ZFPM2: variants seen among roughly 807,000 people sequenced by gnomAD.
The protein encoded by ZFPM2 is zinc finger protein, FOG family member 2.
A neutral mutation model predicts 98.6 loss-of-function variants in ZFPM2; 20 were observed. That is an observed-to-expected ratio of 0.20 (90% CI 0.14 to 0.29). The LOEUF is 0.29. Ranked by LOEUF, ZFPM2 falls within the 10% of genes least tolerant of loss-of-function variation. ZFPM2 has a pLI of 1.00. For missense variants in ZFPM2, 1,310 were observed against 1,388.6 expected (o/e 0.94, Z 0.90); for synonymous variants, 518 against 502.7 (o/e 1.03, Z -0.41).
At chr8:105,559,549 A>G (rs1162085576) in intron 3 of ZFPM2, among the ~76,000 whole-genome samples, 1 of 152,208 alleles carries the variant, frequency 6.6e-6, no homozygotes, top group Non-Finnish European at 1.5e-5. Context: ...TGAAATTGTT[A>G]TGAACATTGC....
At chr8:105,410,960 G>A (rs1454744230) in intron 1 of ZFPM2, among the ~76,000 whole-genome samples, 1 of 151,808 alleles carries the variant, frequency 6.6e-6, no homozygotes, top group African/African-American at 2.4e-5. Flanking sequence ...TCTTCAAGAT[G>A]ACTTCTAGCA....
intron 3 of ZFPM2, among the ~76,000 whole-genome samples, chr8:105,484,968 AC>A (rs1813199837): frequency 6.6e-6 from 1 of 152,116 alleles, no homozygotes; most frequent in Non-Finnish European, 1.5e-5. Context: ...CTACAGCCAA[AC>A]CCTGATAAAG....
rs764622920 is a variant in ZFPM2 at position 105,801,813 on chromosome 8, G to A, written c.1731G>A (p.Gln577=). Residue 577 remains glutamine, a synonymous_variant, in exon 8 of 8, where the codon CAG becomes CAA. Transcript: ENST00000407775. ...KKHYCSSRWQ[Q]MAKSPEFPSV... ...ATTATTGCAGCAGCCGATGGCAGCA[G>A]ATGGCTAAGTCCCCAGAGTTCCCTA... 1.9e-5 allele frequency: 31 copies of A among 1,613,844 alleles called. No homozygotes were observed. The highest frequency in any genetic ancestry group is 5.3e-5 in the African/African-American group (4 of 74,916).
rs1487674675 is a variant in ZFPM2 at position 105,801,057 on chromosome 8, G to T, written c.975G>T (p.Met325Ile). The T allele has an allele frequency of 2.5e-6, 4 of 1,611,950 alleles. No individual in the cohort carries two copies. The highest frequency in any genetic ancestry group is 3.4e-6 in the Non-Finnish European group (4 of 1,178,506). Residue 325 changes from methionine (M) to isoleucine (I), a missense_variant, in exon 8 of 8, where the codon ATG (methionine) becomes ATT (isoleucine). By Grantham distance (10) the Met-to-Ile change is conservative. Coordinates refer to ENST00000407775, the MANE Select transcript of ZFPM2 (RefSeq NM_012082.4). ...MHLNSHSGVK[M>I]EEFLPPGASL... ...TGTATGTCTCTCTAGGAGTGAAAAT[G>T]GAAGAATTCCTGCCCCCTGGTGCTA...
intron 3 of ZFPM2, among the ~76,000 whole-genome samples, chr8:105,464,537 G>C (rs1269345904): frequency 6.6e-6 from 1 of 151,986 alleles, no homozygotes; most frequent in Admixed American, 6.6e-5. Context: ...CATCAGTCAG[G>C]ATGTGGGAGA....
chr8:105,411,430 G>A (rs1811575585), intron 1 of ZFPM2, among the ~76,000 whole-genome samples: 1 of 151,744 alleles, frequency 6.6e-6, no homozygotes, highest in African/African-American at 2.4e-5. Context: ...TTATCTCAGT[G>A]CTTGTCACAG....
At chr8:105,793,870 G>A (rs557431000) in intron 6 of ZFPM2, among the ~76,000 whole-genome samples, 49 of 151,052 alleles carry the variant, frequency 3.2e-4, no homozygotes, top group Middle Eastern at 6.8e-3. Context: ...TGATCACATC[G>A]GCTCCTGAGG....
In ZFPM2 at chr8:105,801,309, G is replaced by T. The variant is rs201439692; in HGVS notation, c.1227G>T (p.Gln409His). The change falls in exon 8 of 8, where the codon CAG becomes CAT. Residue 409 changes from glutamine (Q) to histidine (H), a missense_variant. By Grantham distance (24) the Gln-to-His change is conservative. Coordinates refer to ENST00000407775, the MANE Select transcript of ZFPM2 (RefSeq NM_012082.4). ...CAAGTGCAACTGAAGACAGCTTACAGCCAGCCACAGACTTATTGACCAGAA... is the reference window on the plus strand; with the variant it reads ...CAAGTGCAACTGAAGACAGCTTACATCCAGCCACAGACTTATTGACCAGAA... ...HSPSATEDSL[Q>H]PATDLLTRSE... The T allele has an allele frequency of 1.7e-4, 276 of 1,613,910 alleles. No individual in the cohort carries two copies. The African/African-American group carries it at 3.4e-3, about 20-fold the overall frequency.
At chr8:105,466,183 T>A (rs1482967310) in intron 3 of ZFPM2, among the ~76,000 whole-genome samples, 1 of 152,000 alleles carries the variant, frequency 6.6e-6, no homozygotes, top group African/African-American at 2.4e-5. Context: ...GCCAAACTAA[T>A]TTTTATTTTT....
At chr8:105,500,817 C>T (rs973442811) in intron 3 of ZFPM2, among the ~76,000 whole-genome samples, 1 of 151,880 alleles carries the variant, frequency 6.6e-6, no homozygotes, top group African/African-American at 2.4e-5. Flanking sequence ...CCTTGAAATT[C>T]CAATTTAAAG....
chr8:105,452,322 G>A (rs1261131956), intron 3 of ZFPM2, among the ~76,000 whole-genome samples: 1 of 152,138 alleles, frequency 6.6e-6, no homozygotes, highest in Admixed American at 6.6e-5. Context: ...GTTTTACTGT[G>A]TTCTTTCTCG....
chr8:105,715,073 C>T (rs1811487190), intron 5 of ZFPM2, among the ~76,000 whole-genome samples: 1 of 151,954 alleles, frequency 6.6e-6, no homozygotes, highest in Non-Finnish European at 1.5e-5. Flanking sequence ...ATACTTGTTT[C>T]TCAGTTGCAA....
chr8:105,318,895 C>A lies in ZFPM2; in HGVS notation c.-47C>A, dbSNP rs1487849938. ...GCGGGAGCCGAGGGAGCGGCAGCCGCGACCGCGGGCACCGCGGGAGCCCCA... is the reference window on the plus strand; with the variant it reads ...GCGGGAGCCGAGGGAGCGGCAGCCGAGACCGCGGGCACCGCGGGAGCCCCA... On this transcript the variant is annotated 5_prime_UTR_variant, in exon 1 of 8. Transcript: ENST00000407775. 1.6e-6 allele frequency: 2 copies of A among 1,260,188 alleles called. No homozygotes were observed. Among genetic ancestry groups the A allele is most frequent in the Non-Finnish European group, 2.1e-6 (2 of 975,306 alleles). 78.1% of individuals were successfully genotyped at this position (1,260,188 alleles called of 1,614,324 possible).
At chr8:105,578,962 T>G (rs1815526892) in intron 4 of ZFPM2, among the ~76,000 whole-genome samples, 1 of 152,110 alleles carries the variant, frequency 6.6e-6, no homozygotes, top group African/African-American at 2.4e-5. Context: ...CAGGATGAAG[T>G]TTGTTATTAT....
At position 105,502,576 on chromosome 8, in the gene ZFPM2, TCAAA is replaced by T. The variant is rs769589893; in HGVS notation, c.301+58199_301+58202del. ...CCAAAGTAGATACTAGAGCAAATCG[TCAAA>T]CAATCAATTTGCAATCATCTAGAAA... On this transcript the variant is annotated intron_variant, in intron 3 of 7. Coordinates refer to ENST00000407775, the MANE Select transcript of ZFPM2 (RefSeq NM_012082.4). 1.2e-3 allele frequency among the ~76,000 whole-genome samples: 186 copies of T among 152,282 alleles called. 1 individual carries two copies. Among genetic ancestry groups the T allele is most frequent in the Middle Eastern group, 6.8e-3 (2 of 294 alleles).
chr8:105,612,715 T>A (rs1252111472), intron 4 of ZFPM2, among the ~76,000 whole-genome samples: 1 of 152,180 alleles, frequency 6.6e-6, no homozygotes, highest in Non-Finnish European at 1.5e-5. Flanking sequence ...CATTAGAAAG[T>A]CTGTGAACTT....
intron 3 of ZFPM2, among the ~76,000 whole-genome samples, chr8:105,502,312 A>G (rs1402708253): frequency 6.6e-6 from 1 of 152,168 alleles, no homozygotes; most frequent in East Asian, 1.9e-4. Flanking sequence ...ATAGATTAGA[A>G]AAGAATATCA....
intron 4 of ZFPM2, among the ~76,000 whole-genome samples, chr8:105,614,035 G>T (rs1400570606): frequency 6.6e-6 from 1 of 151,984 alleles, no homozygotes; most frequent in Non-Finnish European, 1.5e-5. Flanking sequence ...GAATCTAGTA[G>T]TTTCCAACAA....
chr8:105,494,235 ACT>A (rs1343824557), intron 3 of ZFPM2, among the ~76,000 whole-genome samples: 1 of 131,478 alleles, frequency 7.6e-6, no homozygotes, highest in East Asian at 2.4e-4. Context: ...ATAATCTCAA[ACT>A]CAACATATCT....
Sources: gnomAD v4.1 joint callset for allele counts (sites outside exome capture counted in the v4.1 genomes callset) on GRCh38, gnomAD v4.1.1 for gene constraint, MANE v1.5 for transcripts, NCBI Gene and HGNC (gene_info 2026-07-23, HGNC 2026-07-21) for gene names.